LRCH1: variants seen among roughly 807,000 people sequenced by gnomAD.
LRCH1 encodes the protein leucine rich repeats and calponin homology domain containing 1, also known as leucine-rich repeat and calponin homology domain-containing protein 1.
Under a neutral mutation model 94.9 loss-of-function variants are expected in LRCH1, and 23 were observed. That is an observed-to-expected ratio of 0.24 (90% confidence interval 0.17 to 0.34). The LOEUF is 0.34. Ranked by LOEUF, LRCH1 falls within the 10% of genes least tolerant of loss-of-function variation. The pLI is 1.00. For synonymous variants in LRCH1, 364 were observed against 354.9 expected (o/e 1.03, Z -0.29); for missense variants, 790 against 945.9 (o/e 0.84, Z 2.16).
At chr13:46,652,013 A>C (rs1340598241) in intron 2 of LRCH1, among the ~76,000 whole-genome samples, 1 of 62,516 alleles carries the variant, frequency 1.6e-5, no homozygotes, top group African/African-American at 4.9e-5. Flanking sequence ...TCAGCCTCCC[A>C]AGTAGCTGGG....
intron 16 of LRCH1, among the ~76,000 whole-genome samples, chr13:46,717,985 G>T (rs1254482277): frequency 1.3e-5 from 2 of 152,192 alleles, no homozygotes; most frequent in Non-Finnish European, 2.9e-5. Context: ...GTGGACGTTT[G>T]TCTGTAGGTT....
At chr13:46,641,539 A>G (rs1408223) in intron 1 of LRCH1, among the ~76,000 whole-genome samples, 120,126 of 152,126 alleles carry the variant, frequency 0.79, 47,552 homozygotes, top group East Asian at 0.91. Flanking sequence ...CATGTTTATG[A>G]TGTCATTTGG....
At chr13:46,667,699 T>A (rs9534461) in intron 2 of LRCH1, among the ~76,000 whole-genome samples, 96,416 of 151,716 alleles carry the variant, frequency 0.64, 31,112 homozygotes, top group Middle Eastern at 0.72. Context: ...AAATAAAAAA[T>A]AAAGAATTTT....
At chr13:46,653,473 A>G (rs985855026) in intron 2 of LRCH1, among the ~76,000 whole-genome samples, 6 of 152,212 alleles carry the variant, frequency 3.9e-5, no homozygotes, top group African/African-American at 1.4e-4. Flanking sequence ...CTATATATAC[A>G]TATATAATTA....
chr13:46,689,093 C>T, intron 6 of LRCH1, 40 bp from the exon 7 acceptor site: 1 of 1,482,744 alleles, frequency 6.7e-7, no homozygotes, highest in South Asian at 1.2e-5. Flanking sequence ...TGATTTTAAT[C>T]TTTTTTAAAT....
intron 1 of LRCH1, among the ~76,000 whole-genome samples, chr13:46,559,177 AAT>A (rs1307077337): frequency 6.6e-6 from 1 of 152,230 alleles, no homozygotes; most frequent in Non-Finnish European, 1.5e-5. Flanking sequence ...TTTTGCCATC[AAT>A]ATGTTTCACT....
chr13:46,720,086 A>G (rs9534476), intron 16 of LRCH1, among the ~76,000 whole-genome samples: 78,649 of 151,646 alleles, frequency 0.52, 20,864 homozygotes, highest in Middle Eastern at 0.58. Context: ...TTTTTCCTTC[A>G]TCTTAAATTG....
chr13:46,558,440 A>G (rs1200606280), intron 1 of LRCH1, among the ~76,000 whole-genome samples: 1 of 151,754 alleles, frequency 6.6e-6, no homozygotes, highest in Non-Finnish European at 1.5e-5. Flanking sequence ...ACGTGGAGTA[A>G]GAACCTGACA....
intron 3 of LRCH1, among the ~76,000 whole-genome samples, chr13:46,677,040 A>C (rs1170266565): frequency 6.6e-6 from 1 of 152,130 alleles, no homozygotes; most frequent in Admixed American, 6.5e-5. Flanking sequence ...TTGGCCTTCC[A>C]AAGTGCTGGG....
intron 5 of LRCH1, among the ~76,000 whole-genome samples, chr13:46,687,192 C>A (rs1024642960): frequency 1.3e-5 from 2 of 152,074 alleles, no homozygotes; most frequent in Admixed American, 1.3e-4. Flanking sequence ...TTCCTGACCC[C>A]CAGGGATCTG....
intron 10 of LRCH1, among the ~76,000 whole-genome samples, chr13:46,699,776 C>T (rs932527379): frequency 1.3e-5 from 2 of 152,204 alleles, no homozygotes; most frequent in Non-Finnish European, 2.9e-5. Context: ...AAGTCATCCC[C>T]TTCAAGATCT....
intron 1 of LRCH1, among the ~76,000 whole-genome samples, chr13:46,639,047 T>C (rs1350954245): frequency 2.0e-5 from 3 of 152,208 alleles, no homozygotes; most frequent in African/African-American, 7.2e-5. Context: ...AAAAAAACTT[T>C]CTGGTTTGGT....
intron 11 of LRCH1, among the ~76,000 whole-genome samples, chr13:46,704,344 T>G (rs1003128177): frequency 6.6e-6 from 1 of 152,028 alleles, no homozygotes; most frequent in Admixed American, 6.5e-5. Flanking sequence ...CCATTGATTG[T>G]GGGATTAAAT....
intron 8 of LRCH1, among the ~76,000 whole-genome samples, chr13:46,694,037 A>G (rs1423236726): frequency 6.6e-6 from 1 of 152,250 alleles, no homozygotes; most frequent in Non-Finnish European, 1.5e-5. Flanking sequence ...TGTTGTCTAA[A>G]AACATAGCTG....
At position 46,695,537 on chromosome 13, in the gene LRCH1, G is replaced by T. The variant is rs114658456; in HGVS notation, c.1245+520G>T. ...AGTTGTCAGGAAAACCTTCATCTTG[G>T]CAGCAACAAAGGGAGGAAAGAAAAA... On this transcript the variant is annotated intron_variant, in intron 9 of 19. Transcript: ENST00000389797. Among the ~76,000 whole-genome samples the T allele has an allele frequency of 6.0e-3, 907 of 152,238 alleles. 8 individuals are homozygous for T. The highest frequency in any genetic ancestry group is 0.021 in the African/African-American group (885 of 41,548).
At chr13:46,734,838 G>A (rs1411971218) in intron 19 of LRCH1, among the ~76,000 whole-genome samples, 4 of 152,124 alleles carry the variant, frequency 2.6e-5, no homozygotes, top group Non-Finnish European at 1.5e-5. Context: ...CAGGGATAAG[G>A]TAATTTTAAA....
chr13:46,649,346 A>G (rs574194831), intron 1 of LRCH1, among the ~76,000 whole-genome samples: 190 of 152,224 alleles, frequency 1.2e-3, no homozygotes, highest in African/African-American at 4.0e-3. Context: ...CTTATAGTCT[A>G]TGTTTTCTGG....
At chr13:46,714,165 ATTTCC>A (rs980830909) in intron 15 of LRCH1, among the ~76,000 whole-genome samples, 3 of 152,202 alleles carry the variant, frequency 2.0e-5, no homozygotes, top group African/African-American at 7.2e-5. Context: ...AACAAAGTTA[ATTTCC>A]TTTCCAAGCT....
chr13:46,710,340 G>C (rs755962852), intron 13 of LRCH1, among the ~76,000 whole-genome samples: 3 of 152,202 alleles, frequency 2.0e-5, no homozygotes, highest in Admixed American at 6.5e-5. Context: ...CCGTGGCTGT[G>C]GGGGATCAGC....
Sources: gnomAD v4.1 joint callset for allele counts (sites outside exome capture counted in the v4.1 genomes callset) on GRCh38, gnomAD v4.1.1 for gene constraint, MANE v1.5 for transcripts, NCBI Gene and HGNC (gene_info 2026-07-23, HGNC 2026-07-21) for gene names.